RAP1A: variants seen among roughly 807,000 people sequenced by gnomAD.
RAP1A encodes the protein RAP1A, member of RAS oncogene family.
RAP1A carries 6 observed loss-of-function variants against 26.4 expected under a neutral mutation model. That is an observed-to-expected ratio of 0.23 (90% confidence interval 0.12 to 0.45). RAP1A has a LOEUF of 0.45. Ranked by LOEUF, RAP1A falls within the 20% of genes least tolerant of loss-of-function variation. The pLI is 0.99. For synonymous variants in RAP1A, 73 were observed against 79.4 expected (o/e 0.92, Z 0.43); for missense variants, 121 against 217.2 (o/e 0.56, Z 2.78).
intron 1 of RAP1A, among the ~76,000 whole-genome samples, chr1:111,660,693 A>G (rs1437007522): frequency 6.6e-6 from 1 of 152,196 alleles, no homozygotes; most frequent in African/African-American, 2.4e-5. Context: ...CCTCTGCTCA[A>G]AACTGTCCAG....
chr1:111,635,151 G>A (rs1036079105), intron 1 of RAP1A, among the ~76,000 whole-genome samples: 7 of 152,130 alleles, frequency 4.6e-5, no homozygotes, highest in Admixed American at 1.3e-4. Flanking sequence ...GCAAAATTAA[G>A]TTGCCATTTT....
At chr1:111,572,297 G>A (rs888542522) in intron 1 of RAP1A, among the ~76,000 whole-genome samples, 3 of 152,200 alleles carry the variant, frequency 2.0e-5, no homozygotes, top group African/African-American at 7.2e-5. Context: ...GATTGCCTGG[G>A]CCACCCCACA....
chr1:111,604,863 C>T (rs1232280404), intron 1 of RAP1A, among the ~76,000 whole-genome samples: 1 of 152,200 alleles, frequency 6.6e-6, no homozygotes, highest in Non-Finnish European at 1.5e-5. Context: ...CCATGTTTAT[C>T]TCCATTTATA....
chr1:111,704,595 A>G, intron 6 of RAP1A, 109 bp downstream of exon 6: 4 of 1,163,342 alleles, frequency 3.4e-6, no homozygotes. Context: ...TCTTGATTCC[A>G]TAATTTTATA....
At chr1:111,710,801 C>T (rs1231522519) in intron 7 of RAP1A, among the ~76,000 whole-genome samples, 1 of 152,164 alleles carries the variant, frequency 6.6e-6, no homozygotes, top group African/African-American at 2.4e-5. Flanking sequence ...CTAATGTTTG[C>T]TTTAGGCTTT....
At chr1:111,617,459 G>C (rs1659035946), upstream of RAP1A, among the ~76,000 whole-genome samples, 1 of 152,064 alleles carries the variant, frequency 6.6e-6, no homozygotes, top group Non-Finnish European at 1.5e-5. Flanking sequence ...CTCTTACAGA[G>C]TCTCGCTCTG....
At chr1:111,709,954 T>C (rs1185981140) in intron 7 of RAP1A, among the ~76,000 whole-genome samples, 2 of 152,234 alleles carry the variant, frequency 1.3e-5, no homozygotes, top group Non-Finnish European at 2.9e-5. Context: ...TGCACATTCC[T>C]ATATGTCTTT....
chr1:111,674,950 T>C (rs1489700347), intron 1 of RAP1A, among the ~76,000 whole-genome samples: 1 of 152,160 alleles, frequency 6.6e-6, no homozygotes, highest in Admixed American at 6.5e-5. Flanking sequence ...ACAAATCTAA[T>C]CATATTAATT....
chr1:111,660,927 CTTTAGTTG>C (rs1660616132), intron 1 of RAP1A, among the ~76,000 whole-genome samples: 1 of 152,244 alleles, frequency 6.6e-6, no homozygotes. Flanking sequence ...TGCCCATCAT[CTTTAGTTG>C]TTTACTCAAA....
rs149746831 is a variant in RAP1A at position 111,675,603 on chromosome 1, C to G, written c.-27-15731C>G. Among the ~76,000 whole-genome samples the G allele has an allele frequency of 3.2e-3, 486 of 152,312 alleles. 1 individual carries two copies. The highest frequency in any genetic ancestry group is 0.01 in the Middle Eastern group (3 of 294). ...TATTTGTTTCTTTCTCCTTTATAAG[C>G]TCCTTGAGGATGGAAAACACATACT... is the stretch of plus-strand genomic sequence containing the variant. On this transcript the variant is annotated intron_variant, in intron 1 of 7. Transcript: ENST00000369709.
intron 1 of RAP1A, among the ~76,000 whole-genome samples, chr1:111,632,041 A>G (rs565875739): frequency 1.3e-5 from 2 of 152,308 alleles, no homozygotes; most frequent in East Asian, 3.9e-4. Context: ...CAGTAGTCCA[A>G]ATGTTTATGT....
chr1:111,619,637 C>T (rs375698811), upstream of RAP1A: 121 of 390,264 alleles, frequency 3.1e-4, no homozygotes, highest in African/African-American at 2.1e-3. Flanking sequence ...CAGGCTTTCC[C>T]GGCTCCAGTG....
chr1:111,680,278 G>A (rs1242480778), intron 1 of RAP1A, among the ~76,000 whole-genome samples: 5 of 152,212 alleles, frequency 3.3e-5, no homozygotes, highest in African/African-American at 4.8e-5. Flanking sequence ...TGTCCACATC[G>A]TGGAAGGGGA....
chr1:111,657,456 T>G (rs1660497326), intron 1 of RAP1A, among the ~76,000 whole-genome samples: 1 of 152,200 alleles, frequency 6.6e-6, no homozygotes, highest in South Asian at 2.1e-4. Flanking sequence ...AAAGGGATAC[T>G]CAACCTGTAG....
Position 111,697,469 on chromosome 1 carries a change from T to C in RAP1A, c.155T>C (p.Met52Thr). ...KQVEVDCQQC[M>T]LEILDTAGTE... The stretch of plus-strand genomic sequence containing the variant: ...GTTGAAGTCGATTGCCAACAGTGTA[T>C]GCTCGAAATCCTGGATACTGCAGGG... The change falls in exon 4 of 8, where the codon ATG (methionine) becomes ACG (threonine). Residue 52 changes from methionine (M) to threonine (T), a missense_variant. Physicochemically the swap from Met to Thr is moderately conservative, Grantham distance 81 (BLOSUM62 -1). Coordinates refer to ENST00000369709, the MANE Select transcript of RAP1A (RefSeq NM_002884.4). 6.2e-7 allele frequency: 1 copy of C among 1,613,412 alleles called. No homozygotes were observed. The highest frequency in any genetic ancestry group is 8.5e-7 in the Non-Finnish European group (1 of 1,179,684).
At chr1:111,553,197 T>C (rs545151294) in intron 1 of RAP1A, among the ~76,000 whole-genome samples, 2 of 152,356 alleles carry the variant, frequency 1.3e-5, no homozygotes, top group African/African-American at 2.4e-5. Flanking sequence ...GATTTGTTTA[T>C]TGTACAGTAT....
chr1:111,659,229 C>T (rs1367793594), intron 1 of RAP1A, among the ~76,000 whole-genome samples: 1 of 152,118 alleles, frequency 6.6e-6, no homozygotes, highest in Non-Finnish European at 1.5e-5. Context: ...TTTTCCTGTA[C>T]ATACCTATAA....
At chr1:111,614,053 C>T (rs1658974565) in intron 1 of RAP1A, among the ~76,000 whole-genome samples, 1 of 152,174 alleles carries the variant, frequency 6.6e-6, no homozygotes, top group Non-Finnish European at 1.5e-5. Context: ...TAAAGCAAAT[C>T]AAGTACCTGC....
intron 4 of RAP1A, among the ~76,000 whole-genome samples, chr1:111,699,619 C>T (rs1317448648): frequency 6.6e-6 from 1 of 151,594 alleles, no homozygotes; most frequent in Admixed American, 6.6e-5. Context: ...TGCATACCAC[C>T]ACACCTAGCT....
Sources: allele counts gnomAD v4.1 joint callset (sites outside exome capture counted in the v4.1 genomes callset), GRCh38; gene constraint gnomAD v4.1.1; transcripts MANE v1.5; gene names NCBI Gene and HGNC (gene_info 2026-07-23, HGNC 2026-07-21).